The following CCL24 variants were observed in gnomAD, a reference collection of about 807,000 sequenced individuals.
The protein encoded by CCL24 is C-C motif chemokine 24.
Under a neutral mutation model 8.6 loss-of-function variants are expected in CCL24, and 6 were observed. That is an observed-to-expected ratio of 0.70 (90% CI 0.38 to 1.38). The LOEUF (loss-of-function observed/expected upper bound fraction) is 1.38. Ranked by LOEUF, CCL24 falls within the 40% of genes most tolerant of loss-of-function variation. The pLI is 0.02. For synonymous variants in CCL24, 59 were observed against 52.7 expected (o/e 1.12, Z -0.52); for missense variants, 126 against 147.1 (o/e 0.86, Z 0.74).
chr7:75,816,232 C>T (rs998453288), upstream of CCL24, among the ~76,000 whole-genome samples: 1 of 152,194 alleles, frequency 6.6e-6, no homozygotes, highest in Non-Finnish European at 1.5e-5. Context: ...GGACCAGGGA[C>T]TCCTGTGTGG....
upstream of CCL24, among the ~76,000 whole-genome samples, chr7:75,813,965 C>T (rs1803833008): frequency 6.6e-6 from 1 of 152,064 alleles, no homozygotes; most frequent in South Asian, 2.1e-4. Flanking sequence ...ATCTTGGGCT[C>T]CGAACGAAAG....
chr7:75,821,300 G>A (rs1283852367), intron 1 of CCL24, among the ~76,000 whole-genome samples: 1 of 152,076 alleles, frequency 6.6e-6, no homozygotes, highest in African/African-American at 2.4e-5. Context: ...CCAGGTTGGA[G>A]CCTTAAAGAA....
intron 1 of CCL24, among the ~76,000 whole-genome samples, chr7:75,820,148 C>CCTT (rs1344848436): frequency 3.9e-4 from 38 of 98,130 alleles, no homozygotes; most frequent in African/African-American, 1.2e-3. Flanking sequence ...TCCTCCTCCT[C>CCTT]CTCCTTCTCC....
intron 1 of CCL24, among the ~76,000 whole-genome samples, chr7:75,820,041 T>TTCTTCC (rs1803996126): frequency 7.3e-6 from 1 of 136,970 alleles, no homozygotes; most frequent in African/African-American, 2.7e-5. Context: ...CTTCTTCTTC[T>TTCTTCC]TCTTCTTCTT....
chr7:75,819,961 A>C (rs1554534759), intron 1 of CCL24, among the ~76,000 whole-genome samples: 2 of 151,582 alleles, frequency 1.3e-5, no homozygotes, highest in Non-Finnish European at 2.9e-5. Flanking sequence ...TTTACCCATG[A>C]TCTCATGTGA....
At chr7:75,817,051 A>C (rs955081346), upstream of CCL24, among the ~76,000 whole-genome samples, 2 of 151,752 alleles carry the variant, frequency 1.3e-5, no homozygotes, top group African/African-American at 2.4e-5. Context: ...TTTTTAGTAG[A>C]GATGGGGTAC....
Position 75,820,127 on chromosome 7 carries a change from T to C in CCL24, c.-60+3195A>G, listed in dbSNP as rs181711060. 1.3e-3 allele frequency among the ~76,000 whole-genome samples: 105 copies of C among 83,674 alleles called. 1 individual carries two copies. The highest frequency in any genetic ancestry group is 4.7e-3 in the Middle Eastern group (1 of 212). 54.9% of individuals were successfully genotyped at this position (83,674 alleles called of 152,430 possible). A position where few individuals can be genotyped will look rare whatever the true frequency, so the allele number is the denominator to read the frequency against. The stretch of plus-strand genomic sequence containing the variant: ...TCTTCCTTCTTCTTCTTCTTCTTCT[T>C]CTTCTCCTCCTCCTCCTCCTCCTCC... On this transcript the variant is annotated intron_variant, in intron 1 of 3. Transcript: ENST00000416943.
At chr7:75,820,018 A>ACTTCTT (rs1204717433) in intron 1 of CCL24, among the ~76,000 whole-genome samples, 4,342 of 103,814 alleles carry the variant, frequency 0.042, 188 homozygotes, top group Middle Eastern at 0.088. Context: ...TTAGTAAACT[A>ACTTCTT]CTTCTTCTTC....
upstream of CCL24, among the ~76,000 whole-genome samples, chr7:75,815,459 T>C (rs1260467567): frequency 1.3e-5 from 2 of 150,642 alleles, no homozygotes; most frequent in Non-Finnish European, 1.5e-5. Context: ...CTGCTCAACA[T>C]AGCAAAACCC....
chr7:75,813,921 G>T, upstream of CCL24: 1 of 462,670 alleles, frequency 2.2e-6, no homozygotes, highest in Non-Finnish European at 4.0e-6. Context: ...AGAGGAAGTT[G>T]TTGTCCCGTT....
chr7:75,819,339 C>G (rs1284807867), intron 1 of CCL24, among the ~76,000 whole-genome samples: 3 of 70,454 alleles, frequency 4.3e-5, no homozygotes, highest in African/African-American at 1.9e-4. Context: ...TATATATATT[C>G]ATAGGCTGGG....
chr7:75,813,242 A>T, intron 2 of CCL24, 64 bp downstream of exon 2: 1 of 969,070 alleles, frequency 1.0e-6, no homozygotes, highest in Non-Finnish European at 1.6e-6. Context: ...CTTGCTTCTC[A>T]GGGACCCTGG....
chr7:75,819,100 C>T (rs184519340), intron 1 of CCL24, among the ~76,000 whole-genome samples: 110 of 147,630 alleles, frequency 7.5e-4, no homozygotes, highest in African/African-American at 2.2e-3. Flanking sequence ...GAAACCCCAT[C>T]TCTACTAAAA....
intron 1 of CCL24, among the ~76,000 whole-genome samples, chr7:75,819,072 C>T (rs1585030810): frequency 6.7e-6 from 1 of 148,578 alleles, no homozygotes; most frequent in East Asian, 2.0e-4. Context: ...AGTTTGGGAC[C>T]AGCCTGACCA....
chr7:75,811,668 A>G lies in CCL24; in HGVS notation c.*128T>C, dbSNP rs782164458. 12 of 788,312 alleles carry G rather than the reference A, an allele frequency of 1.5e-5. No individual in the cohort carries two copies. The highest frequency in any genetic ancestry group is 2.0e-5 in the South Asian group (1 of 50,196). The allele number at this position is 788,312 out of a possible 1,614,324, so 48.8% of individuals were successfully genotyped here. ...CTCGGGTTTTTCATAGAAGAGACAC[A>G]TCCCTGGAGAGTGTTGCTAAGAAAC... On this transcript the variant is annotated 3_prime_UTR_variant, in exon 3 of 3. Coordinates refer to ENST00000222902, the MANE Select transcript of CCL24 (RefSeq NM_002991.3).
chr7:75,817,881 A>C (rs1352548522), upstream of CCL24, among the ~76,000 whole-genome samples: 1 of 151,520 alleles, frequency 6.6e-6, no homozygotes, highest in Non-Finnish European at 1.5e-5. Flanking sequence ...CCCAGGCTGG[A>C]GTGCAGTGGC....
Position 75,813,346 on chromosome 7 carries a change from G to T in CCL24, c.151C>A (p.Gln51Lys). 6.2e-7 allele frequency: 1 copy of T among 1,612,766 alleles called. No homozygotes were observed. Among genetic ancestry groups the T allele is most frequent in the Non-Finnish European group, 8.5e-7 (1 of 1,178,996 alleles). Residue 51 changes from glutamine to lysine, a missense_variant, in exon 2 of 3, where the codon CAG (glutamine) becomes AAG (lysine). Transcript: ENST00000222902. ...AGGCATGTGCTCCTGCTGGACAGCTGGTAGCTGACCACTCGGTTCTCAGGA... is the reference window on the plus strand; with the variant it reads ...AGGCATGTGCTCCTGCTGGACAGCTTGTAGCTGACCACTCGGTTCTCAGGA... Reference protein sequence around the residue: ...RIPENRVVSYQLSSRSTCLKA... With the variant: ...RIPENRVVSYKLSSRSTCLKA...
chr7:75,816,913 G>T (rs941547470), upstream of CCL24, among the ~76,000 whole-genome samples: 1 of 151,356 alleles, frequency 6.6e-6, no homozygotes, highest in African/African-American at 2.4e-5. Flanking sequence ...TGCCCAGGCT[G>T]GAGTGCAGTG....
In CCL24 at chr7:75,811,939, A is replaced by T; in HGVS notation, c.217T>A (p.Phe73Ile). 6.2e-7 allele frequency: 1 copy of T among 1,605,230 alleles called. No individual in the cohort carries two copies. The highest frequency in any genetic ancestry group is 1.1e-5 in the South Asian group (1 of 90,584). ...CACTCCTGCTTGGGGTCGCCACAGA[A>T]CTGCTGGCCCTTCTTGGTGGTGAAG... ...VIFTTKKGQQ[F>I]CGDPKQEWVQ... The change falls in exon 3 of 3, where the codon TTC (phenylalanine) becomes ATC (isoleucine). Residue 73 changes from phenylalanine (F) to isoleucine (I), a missense_variant. Phe to Ile is a conservative substitution (Grantham distance 21). Coordinates refer to ENST00000222902, the MANE Select transcript of CCL24 (RefSeq NM_002991.3).
Sources: allele counts gnomAD v4.1 joint callset (sites outside exome capture counted in the v4.1 genomes callset), GRCh38; gene constraint gnomAD v4.1.1; transcripts MANE v1.5; gene names NCBI Gene and HGNC (gene_info 2026-07-23, HGNC 2026-07-21).